The following ZNF600 variants were observed in gnomAD, a reference collection of about 807,000 sequenced individuals.
ZNF600 encodes the protein zinc finger protein KR-ZNF1.
In ZNF600, 4 loss-of-function variants were observed where a neutral mutation model predicts 7.3. That is an observed-to-expected ratio of 0.55 (90% CI 0.27 to 1.25). ZNF600 has a LOEUF of 1.25. Ranked by LOEUF, ZNF600 falls within the 50% of genes most tolerant of loss-of-function variation. The pLI is 0.12. For missense variants in ZNF600, 911 were observed against 922.1 expected (o/e 0.99, Z 0.16); for synonymous variants, 290 against 308.9 (o/e 0.94, Z 0.64).
chr19:52,809,206 C>G, the ZNF600 span, among the ~76,000 whole-genome samples: 1 of 152,148 alleles, frequency 6.6e-6, no homozygotes, highest in African/African-American at 2.4e-5. Flanking sequence ...GAAGCAATCA[C>G]CCTTTCAACT....
At chr19:52,786,048 C>T (rs1400195192) in intron 1 of ZNF600, among the ~76,000 whole-genome samples, 2 of 152,098 alleles carry the variant, frequency 1.3e-5, no homozygotes, top group Non-Finnish European at 2.9e-5. Flanking sequence ...CTCTCTCAGT[C>T]CCTCTCTCTA....
upstream of ZNF600, among the ~76,000 whole-genome samples, chr19:52,791,741 C>T (rs556129862): frequency 6.6e-6 from 1 of 152,198 alleles, no homozygotes; most frequent in African/African-American, 2.4e-5. Context: ...GGAAGACCTA[C>T]AAGTGTATGT....
At chr19:52,811,512 G>A in the ZNF600 span, among the ~76,000 whole-genome samples, 17 of 138,442 alleles carry the variant, frequency 1.2e-4, no homozygotes, top group African/African-American at 3.7e-4. Context: ...GCCGCCCATC[G>A]TCTGAGATGT....
At chr19:52,777,614 G>C (rs575637826) in intron 2 of ZNF600, among the ~76,000 whole-genome samples, 1 of 152,162 alleles carries the variant, frequency 6.6e-6, no homozygotes, top group Non-Finnish European at 1.5e-5. Context: ...GGCAGATCAT[G>C]AGGTCAGGAG....
chr19:52,801,407 C>G, the ZNF600 span: 1 of 1,614,162 alleles, frequency 6.2e-7, no homozygotes, highest in East Asian at 2.2e-5. Flanking sequence ...CAGGCAGATG[C>G]GAATGAAAGC....
downstream of ZNF600, chr19:52,764,400 TG>T (rs2062552374): frequency 6.6e-6 from 1 of 152,046 alleles, no homozygotes; most frequent in Admixed American, 6.6e-5. Context: ...TTAGTAGAGA[TG>T]GGGTTTCACC....
chr19:52,799,856 G>A, the ZNF600 span: 1 of 1,610,298 alleles, frequency 6.2e-7, no homozygotes, highest in Non-Finnish European at 8.5e-7. Flanking sequence ...CATTACACTT[G>A]TAAGGTTTCT....
chr19:52,792,701 A>G, the ZNF600 span, among the ~76,000 whole-genome samples: 5 of 152,052 alleles, frequency 3.3e-5, no homozygotes, highest in African/African-American at 1.2e-4. Context: ...GTGAGCCACC[A>G]TGCCCGGCTC....
At chr19:52,831,467 G>T in the ZNF600 span, among the ~76,000 whole-genome samples, 1 of 151,510 alleles carries the variant, frequency 6.6e-6, no homozygotes, top group African/African-American at 2.4e-5. Context: ...CTGCCACCAG[G>T]CCTGGCTAAA....
intron 1 of ZNF600, 22 bp downstream of exon 1, chr19:52,786,573 C>G (rs2062765443): frequency 3.0e-5 from 5 of 169,402 alleles, no homozygotes; most frequent in Admixed American, 2.7e-4. Context: ...AACCCAAAAG[C>G]AAGCAACTTC....
chr19:52,823,763 C>A, the ZNF600 span, among the ~76,000 whole-genome samples: 1 of 152,006 alleles, frequency 6.6e-6, no homozygotes, highest in African/African-American at 2.4e-5. Flanking sequence ...TAGTTACTTT[C>A]TAAAAAATAC....
At chr19:52,772,686 T>A (rs2062639982) in intron 3 of ZNF600, among the ~76,000 whole-genome samples, 1 of 152,100 alleles carries the variant, frequency 6.6e-6, no homozygotes, top group South Asian at 2.1e-4. Context: ...AGGCCCGCGG[T>A]GTTCATGGAC....
exon 4 of ZNF600, chr19:52,765,755 T>C (rs377675638): frequency 6.2e-7 from 1 of 1,613,626 alleles, no homozygotes. Context: ...AAACCTTACA[T>C]TTGTATGGTT....
intron 1 of ZNF600, among the ~76,000 whole-genome samples, chr19:52,785,121 T>C (rs2062753261): frequency 1.3e-5 from 2 of 152,044 alleles, no homozygotes; most frequent in African/African-American, 4.8e-5. Flanking sequence ...TTGTTTTCTT[T>C]TCTTTTTCCC....
the ZNF600 span, chr19:52,800,517 TCATTA>T: frequency 6.2e-7 from 1 of 1,613,604 alleles, no homozygotes; most frequent in African/African-American, 1.3e-5. Context: ...CTTGCCACAT[TCATTA>T]CACTTGTAAG....
chr19:52,828,708 G>T, the ZNF600 span, among the ~76,000 whole-genome samples: 1 of 152,026 alleles, frequency 6.6e-6, no homozygotes, highest in Admixed American at 6.6e-5. Context: ...AATGATGCAG[G>T]CTCCCTGGTC....
the ZNF600 span, chr19:52,801,031 T>C: frequency 3.1e-6 from 5 of 1,614,090 alleles, no homozygotes; most frequent in African/African-American, 1.3e-5. Flanking sequence ...TCATTACACT[T>C]GTAAGGTTTC....
intron 1 of ZNF600, among the ~76,000 whole-genome samples, chr19:52,782,017 T>C (rs2062726230): frequency 6.6e-6 from 1 of 151,650 alleles, no homozygotes; most frequent in Admixed American, 6.6e-5. Flanking sequence ...GACGAGATCG[T>C]GCCACTGCAC....
the ZNF600 span, among the ~76,000 whole-genome samples, chr19:52,811,916 C>T: frequency 1.3e-4 from 14 of 111,702 alleles, no homozygotes; most frequent in Admixed American, 1.1e-3. Flanking sequence ...CCCGGCCAGC[C>T]GCCCTATCCA....
Sources: allele counts gnomAD v4.1 joint callset (sites outside exome capture counted in the v4.1 genomes callset), GRCh38; gene constraint gnomAD v4.1.1; transcripts MANE v1.5; gene names NCBI Gene and HGNC (gene_info 2026-07-23, HGNC 2026-07-21).